MALRD1: variants seen among roughly 807,000 people sequenced by gnomAD.
MALRD1 encodes MAM and LDL-receptor class A domain-containing protein 1.
A neutral mutation model predicts 242.1 loss-of-function variants in MALRD1; 247 were observed. The ratio of observed to expected loss-of-function variants is 1.02; its 90% CI spans 0.92 to 1.13. MALRD1 has a LOEUF of 1.13. MALRD1 is among the 50% of genes most tolerant of loss of function. The pLI, the probability that MALRD1 is intolerant of heterozygous loss-of-function variation, is 0.00. For synonymous variants in MALRD1, 995 were observed against 866.6 expected (o/e 1.15, Z -2.60); for missense variants, 2,989 against 2,533.1 (o/e 1.18, Z -3.86).
At chr10:19,051,178 T>G (rs1324672622) in intron 1 of MALRD1, among the ~76,000 whole-genome samples, 1 of 152,134 alleles carries the variant, frequency 6.6e-6, no homozygotes, top group African/African-American at 2.4e-5. Flanking sequence ...GAAGAAACTA[T>G]TGTGAAGAAA....
chr10:19,581,243 A>C (rs1837106315), intron 33 of MALRD1, among the ~76,000 whole-genome samples: 1 of 151,184 alleles, frequency 6.6e-6, no homozygotes, highest in Non-Finnish European at 1.5e-5. Flanking sequence ...TTATACTTTA[A>C]GTTTTAGGGT....
intron 31 of MALRD1, among the ~76,000 whole-genome samples, chr10:19,499,475 G>A (rs999340509): frequency 1.3e-5 from 2 of 150,858 alleles, no homozygotes; most frequent in African/African-American, 2.4e-5. Flanking sequence ...AGCCTATGCA[G>A]CAAGAAGGAT....
intron 13 of MALRD1, among the ~76,000 whole-genome samples, chr10:19,167,413 A>G (rs950280474): frequency 1.3e-5 from 2 of 152,142 alleles, no homozygotes; most frequent in African/African-American, 4.8e-5. Context: ...GAAGCCCTCT[A>G]TGCCTCTTTC....
At position 19,146,256 on chromosome 10, in the gene MALRD1, A is replaced by G; in HGVS notation, c.1470A>G (p.Thr490=). The change falls in exon 11 of 40, where the codon ACA becomes ACG. Residue 490 remains threonine (T), a synonymous_variant. Transcript: ENST00000454679. ...SGFCGWEPFL[T]EDSHWKLMKG... is the part of the protein sequence containing the mutation. ...TCTGCGGTTGGGAGCCATTTCTCAC[A>G]GAAGATTCACACTGGAAGCTGATGA... 2.4e-6 allele frequency: 3 copies of G among 1,231,700 alleles called. No homozygotes were observed. The highest frequency in any genetic ancestry group is 3.0e-6 in the Non-Finnish European group (3 of 987,926). 76.3% of individuals were successfully genotyped at this position (1,231,700 alleles called of 1,614,324 possible).
intron 31 of MALRD1, among the ~76,000 whole-genome samples, chr10:19,503,894 G>T (rs1203931357): frequency 1.5e-5 from 2 of 132,996 alleles, no homozygotes; most frequent in Non-Finnish European, 3.0e-5. Context: ...TCATTGTGCT[G>T]GGAACAGAAT....
chr10:19,376,542 CTTTT>C (rs57836152), intron 26 of MALRD1, among the ~76,000 whole-genome samples: 7,796 of 91,684 alleles, frequency 0.085, 56 homozygotes, highest in South Asian at 0.11. Context: ...TTGATACATT[CTTTT>C]TTTTTTTTTT....
chr10:19,701,496 A>G (rs1055660147), intron 38 of MALRD1, among the ~76,000 whole-genome samples: 4 of 152,060 alleles, frequency 2.6e-5, no homozygotes, highest in Admixed American at 6.6e-5. Context: ...CTTTATCTCA[A>G]AACTGGGTTG....
intron 29 of MALRD1, among the ~76,000 whole-genome samples, chr10:19,452,191 C>T (rs1426721858): frequency 2.6e-5 from 4 of 152,134 alleles, no homozygotes; most frequent in African/African-American, 7.2e-5. Context: ...AATTCCTTTC[C>T]TCTCAAGGGA....
intron 28 of MALRD1, among the ~76,000 whole-genome samples, chr10:19,404,040 A>T (rs563317075): frequency 2.0e-5 from 3 of 152,130 alleles, no homozygotes; most frequent in Non-Finnish European, 4.4e-5. Flanking sequence ...TGAGGTTTTT[A>T]AAAAATGTCT....
intron 36 of MALRD1, among the ~76,000 whole-genome samples, chr10:19,616,558 T>C (rs564570708): frequency 1.3e-5 from 2 of 152,160 alleles, no homozygotes; most frequent in East Asian, 3.9e-4. Flanking sequence ...TGATGCATAT[T>C]TCATTATAAT....
intron 19 of MALRD1, among the ~76,000 whole-genome samples, chr10:19,261,746 T>G (rs12256305): frequency 0.11 from 15,301 of 136,998 alleles, 887 homozygotes; most frequent in East Asian, 0.19. Flanking sequence ...GTAGATTATT[T>G]TACTTTTCTT....
rs914692046 is a variant in MALRD1 at position 19,280,532 on chromosome 10, C to T, written c.3256+309C>T. Among the ~76,000 whole-genome samples, 15 of 152,260 alleles carry T rather than the reference C, an allele frequency of 9.9e-5. No individual in the cohort carries two copies. In the East Asian group the frequency reaches 2.3e-3, roughly 24 times the overall value. On this transcript the variant is annotated intron_variant, in intron 20 of 39. Coordinates refer to ENST00000454679, the MANE Select transcript of MALRD1 (RefSeq NM_001142308.3). The stretch of plus-strand genomic sequence containing the variant: ...TTCCATCCATTCCCTTTGATCTGTA[C>T]TCCTCACACTATAAAATAGGGAATG...
At chr10:19,593,266 C>T (rs1837913378) in intron 33 of MALRD1, among the ~76,000 whole-genome samples, 1 of 152,134 alleles carries the variant, frequency 6.6e-6, no homozygotes. Context: ...TTATCTCTCT[C>T]CTACTTAAAT....
intron 22 of MALRD1, among the ~76,000 whole-genome samples, chr10:19,324,330 G>A (rs187835751): frequency 6.6e-6 from 1 of 152,200 alleles, no homozygotes; most frequent in East Asian, 1.9e-4. Context: ...TCTATGCTGA[G>A]GTTACAGCTT....
At chr10:19,707,496 T>A (rs1215719963) in intron 38 of MALRD1, among the ~76,000 whole-genome samples, 2 of 152,144 alleles carry the variant, frequency 1.3e-5, no homozygotes, top group East Asian at 3.9e-4. Context: ...AGTGTGAGAA[T>A]AGATTTTAAA....
intron 36 of MALRD1, among the ~76,000 whole-genome samples, chr10:19,644,624 G>A (rs1840565492): frequency 6.6e-6 from 1 of 152,066 alleles, no homozygotes; most frequent in Admixed American, 6.6e-5. Context: ...CCTATGACAA[G>A]ACCCCAAAAA....
intron 29 of MALRD1, among the ~76,000 whole-genome samples, chr10:19,454,713 TAC>T (rs35489123): frequency 0.048 from 6,367 of 132,140 alleles, 130 homozygotes; most frequent in East Asian, 0.098. Context: ...CGTGCACACG[TAC>T]ACACACACAC....
chr10:19,414,263 C>T (rs1242343431), intron 28 of MALRD1, among the ~76,000 whole-genome samples: 1 of 152,032 alleles, frequency 6.6e-6, no homozygotes, highest in African/African-American at 2.4e-5. Flanking sequence ...AAGTAAAATC[C>T]ATTCAGGTGC....
chr10:19,205,073 A>C lies in MALRD1; in HGVS notation c.2386A>C (p.Ser796Arg). 6.4e-7 allele frequency: 1 copy of C among 1,550,774 alleles called. No individual in the cohort carries two copies. Among genetic ancestry groups the C allele is most frequent in the South Asian group, 1.2e-5 (1 of 84,060 alleles). The change falls in exon 17 of 40, where the codon AGT becomes CGT. Residue 796 changes from serine (S) to arginine (R), a missense_variant. Transcript: ENST00000454679. ...QPFHLSLDKV[S>R]LGIYDGVSAI... ...CTTCCATTTGTCACTAGATAAAGTCAGTCTGGGCATTTATGATGGGGTCTC... is the reference window on the plus strand; with the variant it reads ...CTTCCATTTGTCACTAGATAAAGTCCGTCTGGGCATTTATGATGGGGTCTC...
Sources: gnomAD v4.1 joint callset for allele counts (sites outside exome capture counted in the v4.1 genomes callset) on GRCh38, gnomAD v4.1.1 for gene constraint, MANE v1.5 for transcripts, NCBI Gene and HGNC (gene_info 2026-07-23, HGNC 2026-07-21) for gene names.